Variants in ANKRD6 observed in about 807,000 individuals in gnomAD.
The protein encoded by ANKRD6 is ankyrin repeat domain 6.
Under a neutral mutation model 82.3 loss-of-function variants are expected in ANKRD6, and 56 were observed. The observed-to-expected ratio is 0.68, with a 90% CI of 0.55 to 0.85. ANKRD6 has a LOEUF of 0.85. ANKRD6 is among the 40% of genes least tolerant of loss of function. ANKRD6 has a pLI of 0.00. For synonymous variants in ANKRD6, 347 were observed against 352.1 expected (o/e 0.99, Z 0.16); for missense variants, 852 against 907.6 (o/e 0.94, Z 0.79).
chr6:89,499,971 A>G (rs892165752), intron 1 of ANKRD6, among the ~76,000 whole-genome samples: 13 of 152,316 alleles, frequency 8.5e-5, no homozygotes, highest in African/African-American at 3.1e-4. Context: ...TAAAGCCTCT[A>G]TAAAATCGTA....
At chr6:89,452,498 C>T (rs558977070) in intron 1 of ANKRD6, among the ~76,000 whole-genome samples, 18 of 152,144 alleles carry the variant, frequency 1.2e-4, no homozygotes, top group Non-Finnish European at 2.2e-4. Context: ...GCTGCCTGAG[C>T]CCCACAGAGT....
rs1686242936 is a variant in ANKRD6 at position 89,631,726 on chromosome 6, A to G, written c.*722A>G. ...TTTCTGTATTTTCAGTCAAAAAATC[A>G]GTTATATAGTGATTTTAAAGCAGAT... is the stretch of plus-strand genomic sequence containing the variant. On this transcript the variant is annotated 3_prime_UTR_variant, in exon 16 of 16. Coordinates refer to ENST00000339746, the MANE Select transcript of ANKRD6 (RefSeq NM_001242809.2). 1 of 152,246 alleles carries G rather than the reference A, an allele frequency of 6.6e-6. No homozygotes were observed. The highest frequency in any genetic ancestry group is 2.1e-4 in the South Asian group (1 of 4,836). 9.4% of individuals were successfully genotyped at this position (152,246 alleles called of 1,614,324 possible).
Position 89,624,052 on chromosome 6 carries a change from A to T in ANKRD6, c.1213A>T (p.Met405Leu). 1 of 1,608,328 alleles carries T rather than the reference A, an allele frequency of 6.2e-7. No individual in the cohort carries two copies. The highest frequency in any genetic ancestry group is 8.5e-7 in the Non-Finnish European group (1 of 1,177,504). ...GTACCGGGGCAAGGATGGGAAAGTG[A>T]TGCAGGTACCTGCAAAGCAGTGTCA... ...TLYRGKDGKV[M>L]QAPINGCRCE... The change falls in exon 12 of 16, where the codon ATG (methionine) becomes TTG (leucine). Residue 405 changes from methionine (M) to leucine (L), a missense_variant. By Grantham distance (15) the Met-to-Leu change is conservative. Transcript: ENST00000339746.
chr6:89,624,141 G>C (rs936194566), intron 12 of ANKRD6, 84 bp downstream of exon 12: 184 of 1,399,966 alleles, frequency 1.3e-4, no homozygotes, highest in Middle Eastern at 7.5e-4. Context: ...GGGCTGATAG[G>C]CACTTTAGGC....
chr6:89,498,175 G>T (rs895360290), intron 1 of ANKRD6, among the ~76,000 whole-genome samples: 1 of 152,160 alleles, frequency 6.6e-6, no homozygotes, highest in African/African-American at 2.4e-5. Context: ...GCCATGGTCA[G>T]TCTTACTCCC....
At chr6:89,595,770 C>T in intron 2 of ANKRD6, 146 bp from the exon 3 acceptor site, 2 of 626,928 alleles carry the variant, frequency 3.2e-6, no homozygotes, top group East Asian at 5.5e-5. Flanking sequence ...TTTGGTTAAC[C>T]CATAAGAATC....
chr6:89,511,041 A>G (rs914769092), intron 1 of ANKRD6, among the ~76,000 whole-genome samples: 35 of 152,280 alleles, frequency 2.3e-4, no homozygotes, highest in Admixed American at 9.8e-4. Context: ...GCTTATTATA[A>G]GGATGTGATC....
intron 1 of ANKRD6, among the ~76,000 whole-genome samples, chr6:89,504,610 G>T (rs1779638678): frequency 1.3e-5 from 2 of 151,928 alleles, no homozygotes; most frequent in Non-Finnish European, 2.9e-5. Context: ...TTGCTATATT[G>T]ACCAGGCTGG....
At chr6:89,532,018 A>G (rs151083321) in intron 1 of ANKRD6, among the ~76,000 whole-genome samples, 143 of 152,312 alleles carry the variant, frequency 9.4e-4, no homozygotes, top group African/African-American at 2.5e-3. Context: ...GGAAGAGCCA[A>G]TGTTGCGGAT....
At position 89,623,865 on chromosome 6, in the gene ANKRD6, C is replaced by G. The variant is rs769632899; in HGVS notation, c.1033-7C>G. 2 of 1,610,682 alleles carry G rather than the reference C, an allele frequency of 1.2e-6. No individual in the cohort carries two copies. The highest frequency in any genetic ancestry group is 1.7e-6 in the Non-Finnish European group (2 of 1,178,340). ...GTTCAGGGGTGTTGTCTCTTCCTCT[C>G]TTACAGGTGTCAGCATTTTCTGACC... On this transcript the variant is annotated splice_polypyrimidine_tract_variant and splice_region_variant and intron_variant, in intron 11 of 15. Transcript: ENST00000339746.
chr6:89,484,460 A>G (rs1432187105), intron 1 of ANKRD6, among the ~76,000 whole-genome samples: 1 of 152,224 alleles, frequency 6.6e-6, no homozygotes, highest in African/African-American at 2.4e-5. Context: ...GATCTTAAAA[A>G]ATCTTGAAGT....
Position 89,557,573 on chromosome 6 carries a change from A to G in ANKRD6, c.-143-9261A>G, listed in dbSNP as rs182010481. Among the ~76,000 whole-genome samples the G allele has an allele frequency of 2.3e-3, 351 of 152,262 alleles. 1 individual carries two copies. Among genetic ancestry groups the G allele is most frequent in the African/African-American group, 8.2e-3 (340 of 41,556 alleles). On this transcript the variant is annotated intron_variant, in intron 1 of 15. Transcript: ENST00000339746. ...CATTTGGCAATTACGTCAATGTAAA[A>G]CCAGCCGGTGGGAGTGCAACATGGT...
intron 1 of ANKRD6, among the ~76,000 whole-genome samples, chr6:89,454,223 A>G (rs1335120403): frequency 6.6e-6 from 1 of 152,150 alleles, no homozygotes; most frequent in Non-Finnish European, 1.5e-5. Flanking sequence ...GCACATCTAG[A>G]GTCTTCGCAT....
At chr6:89,536,020 A>G (rs1227582243) in intron 1 of ANKRD6, among the ~76,000 whole-genome samples, 1 of 152,204 alleles carries the variant, frequency 6.6e-6, no homozygotes, top group East Asian at 1.9e-4. Flanking sequence ...GCTTGAGGCC[A>G]GGAGTTTGAG....
chr6:89,486,458 A>T (rs1033403684), intron 1 of ANKRD6, among the ~76,000 whole-genome samples: 1 of 152,152 alleles, frequency 6.6e-6, no homozygotes, highest in African/African-American at 2.4e-5. Flanking sequence ...TGTTTGTAAC[A>T]TGATTGTATT....
At chr6:89,486,074 G>A (rs576431293) in intron 1 of ANKRD6, among the ~76,000 whole-genome samples, 1 of 152,142 alleles carries the variant, frequency 6.6e-6, no homozygotes, top group East Asian at 1.9e-4. Flanking sequence ...TTAAAAAATG[G>A]GGTCATAATG....
intron 1 of ANKRD6, among the ~76,000 whole-genome samples, chr6:89,506,958 G>A (rs1779950132): frequency 6.6e-6 from 1 of 152,192 alleles, no homozygotes; most frequent in Non-Finnish European, 1.5e-5. Flanking sequence ...TGTTGGCATT[G>A]GCCAGTGTTG....
intron 1 of ANKRD6, among the ~76,000 whole-genome samples, chr6:89,463,044 T>G (rs1354713681): frequency 6.6e-6 from 1 of 151,846 alleles, no homozygotes; most frequent in Non-Finnish European, 1.5e-5. Flanking sequence ...AAAATTCTTT[T>G]TTGTGAAAAC....
At chr6:89,624,773 C>A in intron 13 of ANKRD6, 82 bp downstream of exon 13, 4 of 1,480,936 alleles carry the variant, frequency 2.7e-6, no homozygotes, top group Non-Finnish European at 2.7e-6. Flanking sequence ...CTTTAGCACA[C>A]CCTTCCACCC....
Sources: allele counts gnomAD v4.1 joint callset (sites outside exome capture counted in the v4.1 genomes callset), GRCh38; gene constraint gnomAD v4.1.1; transcripts MANE v1.5; gene names NCBI Gene and HGNC (gene_info 2026-07-23, HGNC 2026-07-21).